RNASEH2B: variants seen among roughly 807,000 people sequenced by gnomAD.
RNASEH2B encodes the protein Aicardi-Goutieres syndrome 2 protein.
In RNASEH2B, 36 loss-of-function variants were observed where a neutral mutation model predicts 45.0. That is an observed-to-expected ratio of 0.80 (90% CI 0.61 to 1.06). RNASEH2B has a LOEUF of 1.06. Among genes scored for constraint, RNASEH2B ranks in the 50% least tolerant of loss-of-function variants. The pLI is 0.00. For synonymous variants in RNASEH2B, 119 were observed against 125.7 expected, an observed-to-expected ratio of 0.95 and a Z score of 0.35; for missense variants, 361 against 360.3, an observed-to-expected ratio of 1.00 and a Z score of -0.02.
intron 6 of RNASEH2B, among the ~76,000 whole-genome samples, chr13:50,944,387 G>A (rs1385453464): frequency 1.3e-5 from 2 of 152,020 alleles, no homozygotes; most frequent in African/African-American, 4.8e-5. Context: ...TCTCTCATAA[G>A]TGGGAGTTGA....
intron 1 of RNASEH2B, among the ~76,000 whole-genome samples, chr13:50,918,204 C>A (rs1879850235): frequency 6.6e-6 from 1 of 152,166 alleles, no homozygotes; most frequent in Non-Finnish European, 1.5e-5. Context: ...GTGGCACGAT[C>A]TCGGCTCACT....
chr13:50,930,827 C>G (rs1951672518), intron 4 of RNASEH2B, 68 bp downstream of exon 4: 1 of 1,143,912 alleles, frequency 8.7e-7, no homozygotes, highest in South Asian at 1.2e-5. Context: ...GATCTCCTCT[C>G]TCTCCTTTTA....
intron 9 of RNASEH2B, among the ~76,000 whole-genome samples, chr13:50,968,666 A>G (rs1333359010): frequency 6.6e-6 from 1 of 152,220 alleles, no homozygotes; most frequent in Admixed American, 6.5e-5. Context: ...ATTCTGCTGC[A>G]TCTTCTTGCT....
At chr13:50,913,277 G>T (rs1879535919) in intron 1 of RNASEH2B, 1 of 151,994 alleles carries the variant, frequency 6.6e-6, no homozygotes, top group Non-Finnish European at 1.5e-5. Context: ...CTCTTTTTCT[G>T]CCCTAAAAGT....
In RNASEH2B at chr13:50,943,244, T is replaced by C. The variant is rs1256019664; in HGVS notation, c.437-77T>C. The C allele has an allele frequency of 4.8e-6, 4 of 837,682 alleles. No individual in the cohort carries two copies. The African/African-American group carries it at 6.9e-5, about 14-fold the overall frequency. The allele number at this position is 837,682 out of a possible 1,614,324, so 51.9% of individuals were successfully genotyped here. A position where few individuals can be genotyped will look rare whatever the true frequency, so the allele number is the denominator to read the frequency against. Reference sequence around the variant, plus strand: ...AACTTACAAAATATTCTTTAAATGGTTAACTTGTATATGATACAACCTTAG... The same window carrying C: ...AACTTACAAAATATTCTTTAAATGGCTAACTTGTATATGATACAACCTTAG... On this transcript the variant is annotated intron_variant, in intron 5 of 10. Coordinates refer to ENST00000336617, the MANE Select transcript of RNASEH2B (RefSeq NM_024570.4).
chr13:50,911,263 CT>C (rs1182122509), intron 1 of RNASEH2B: 11 of 152,214 alleles, frequency 7.2e-5, no homozygotes, highest in Admixed American at 4.6e-4. Flanking sequence ...TTGTGTCTGG[CT>C]TCTTTCACTC....
In RNASEH2B at chr13:50,927,434, T is replaced by C. The variant is rs542600186; in HGVS notation, c.92T>C (p.Met31Thr). The change falls in exon 2 of 11, where the codon ATG becomes ACG. Residue 31 changes from methionine to threonine, a missense_variant. By Grantham distance (81) the Met-to-Thr change is moderately conservative. Transcript: ENST00000336617. ...TATTTAAAAGATGCTTCAAAGAAGA[T>C]GAAAAATGGGCTAATGTTTGTAAAA... ...SEYLKDASKK[M>T]KNGLMFVKLV... 67 of 1,601,226 alleles carry C rather than the reference T, an allele frequency of 4.2e-5. 2 individuals are homozygous for C. In the South Asian group the frequency reaches 6.8e-4, roughly 16 times the overall value.
chr13:50,964,122 C>T (rs932337889), intron 9 of RNASEH2B, among the ~76,000 whole-genome samples: 9 of 152,048 alleles, frequency 5.9e-5, no homozygotes, highest in Non-Finnish European at 1.3e-4. Context: ...TCACTTGAAC[C>T]CAGGAGGTGG....
At chr13:50,951,017 C>T (rs1951969205) in intron 9 of RNASEH2B, 2 of 152,196 alleles carry the variant, frequency 1.3e-5, no homozygotes, top group Admixed American at 6.5e-5. Context: ...AATACATAAA[C>T]GAATGAGCAT....
chr13:50,951,494 CCA>C (rs962914952), intron 9 of RNASEH2B: 13 of 152,104 alleles, frequency 8.5e-5, no homozygotes, highest in Admixed American at 5.9e-4. Context: ...CTCACTTGCT[CCA>C]GTCTTTTCAA....
chr13:50,957,260 C>T (rs79342416), downstream of RNASEH2B, among the ~76,000 whole-genome samples: 607 of 152,184 alleles, frequency 4.0e-3, 4 homozygotes, highest in African/African-American at 0.014. Context: ...CTCTTCCTCC[C>T]CTTGAAGTCC....
chr13:50,927,714 A>G (rs185470071), intron 2 of RNASEH2B, among the ~76,000 whole-genome samples: 1 of 152,348 alleles, frequency 6.6e-6, no homozygotes, highest in Admixed American at 6.5e-5. Context: ...AGCCATCAGA[A>G]ATACGGGCAA....
Position 50,964,146 on chromosome 13 carries a change from C to G in RNASEH2B, c.742-5786C>G, listed in dbSNP as rs79519523. On this transcript the variant is annotated intron_variant, in intron 9 of 9. Transcript: ENST00000422660. ...CCCAGGAGGTGGAGGTTGCAGTGAG[C>G]CGAGATCACACCACTGCACTCCAGT... Among the ~76,000 whole-genome samples, 46 of 152,114 alleles carry G rather than the reference C, an allele frequency of 3.0e-4. 1 individual carries two copies. In the East Asian group the frequency reaches 5.8e-3, roughly 19 times the overall value.
chr13:50,959,310 G>T (rs926767582), downstream of RNASEH2B, among the ~76,000 whole-genome samples: 4 of 152,008 alleles, frequency 2.6e-5, no homozygotes, highest in African/African-American at 9.7e-5. Flanking sequence ...TGACATGCAG[G>T]TGTTTTTAGT....
At position 50,949,480 on chromosome 13, in the gene RNASEH2B, C is replaced by T. The variant is rs1454086954; in HGVS notation, c.716C>T (p.Ala239Val). The T allele has an allele frequency of 3.0e-5, 49 of 1,613,364 alleles. No individual in the cohort carries two copies. The highest frequency in any genetic ancestry group is 4.2e-5 in the Non-Finnish European group (49 of 1,179,562). The change falls in exon 9 of 11, where the codon GCC becomes GTC. Residue 239 changes from alanine (A) to valine (V), a missense_variant. By Grantham distance (64) the Ala-to-Val change is moderately conservative. Transcript: ENST00000336617. ...SKYLKLPEPS[A>V]SLPNPPSKKI... ...TTTCTTAGGCTTCCAGAACCTTCAG[C>T]CTCATTGCCAAATCCTCCATCAAAG...
rs781270130 is a variant in RNASEH2B, at chr13:50,956,541, G to A, written c.*67G>A. 3 of 1,546,940 alleles carry A rather than the reference G, an allele frequency of 1.9e-6. No individual in the cohort carries two copies. The East Asian group carries it at 7.2e-5, about 37-fold the overall frequency. ...ATGTTTCAGTTTGTCCTTCCTGACT[G>A]TTAATGACTACCTTTGGTTGGGGGA... On this transcript the variant is annotated 3_prime_UTR_variant, in exon 11 of 11. Transcript: ENST00000336617.
At chr13:50,935,280 AG>A (rs1205000444) in intron 5 of RNASEH2B, 1 of 434,738 alleles carries the variant, frequency 2.3e-6, no homozygotes, top group African/African-American at 2.0e-5. Flanking sequence ...CTGTGACATC[AG>A]GCAAGTCACT....
At chr13:50,947,328 A>G (rs369683144) in intron 7 of RNASEH2B, among the ~76,000 whole-genome samples, 8 of 151,982 alleles carry the variant, frequency 5.3e-5, no homozygotes, top group African/African-American at 1.9e-4. Context: ...CTTTAGAATT[A>G]ATGATGATAA....
At chr13:50,913,240 T>G (rs1040067358) in intron 1 of RNASEH2B, 1 of 152,242 alleles carries the variant, frequency 6.6e-6, no homozygotes, top group African/African-American at 2.4e-5. Context: ...TACTTTACTT[T>G]TTGGAAAGTA....
Sources: allele counts gnomAD v4.1 joint callset (sites outside exome capture counted in the v4.1 genomes callset), GRCh38; gene constraint gnomAD v4.1.1; transcripts MANE v1.5; gene names NCBI Gene and HGNC (gene_info 2026-07-23, HGNC 2026-07-21).